CDH9: variants seen among roughly 807,000 people sequenced by gnomAD.
The protein encoded by CDH9 is cadherin-9.
Under a neutral mutation model 70.9 loss-of-function variants are expected in CDH9, and 28 were observed. The observed-to-expected ratio is 0.40, with a 90% confidence interval of 0.29 to 0.54. The LOEUF is 0.54. CDH9 is among the 20% of genes least tolerant of loss of function. CDH9 has a pLI of 0.59. For synonymous variants in CDH9, 409 were observed against 343.1 expected, an observed-to-expected ratio of 1.19 and a Z score of -2.12; for missense variants, 874 against 984.4, an observed-to-expected ratio of 0.89 and a Z score of 1.50.
At chr5:27,004,693 A>T (rs762346332) in intron 1 of CDH9, among the ~76,000 whole-genome samples, 1 of 152,132 alleles carries the variant, frequency 6.6e-6, no homozygotes, top group Non-Finnish European at 1.5e-5. Flanking sequence ...TGAGATGTTC[A>T]GGTTGTGTGT....
At chr5:26,910,791 C>T (rs1049014949) in intron 3 of CDH9, among the ~76,000 whole-genome samples, 12 of 152,292 alleles carry the variant, frequency 7.9e-5, no homozygotes, top group African/African-American at 2.6e-4. Context: ...AGTCTTCACA[C>T]CTCTATATGA....
intron 1 of CDH9, among the ~76,000 whole-genome samples, chr5:26,998,802 A>G (rs1742713701): frequency 6.6e-6 from 1 of 152,170 alleles, no homozygotes; most frequent in African/African-American, 2.4e-5. Flanking sequence ...GATGTAAAAG[A>G]CAGAAGTATT....
intron 3 of CDH9, among the ~76,000 whole-genome samples, chr5:26,910,577 G>C (rs1182332535): frequency 6.6e-6 from 1 of 152,010 alleles, no homozygotes; most frequent in East Asian, 1.9e-4. Context: ...TTGATAGAAT[G>C]GTAAAACCAA....
chr5:26,912,209 T>A (rs988567651), intron 3 of CDH9, among the ~76,000 whole-genome samples: 15 of 152,104 alleles, frequency 9.9e-5, no homozygotes, highest in African/African-American at 4.8e-5. Context: ...TATAGATGTA[T>A]TCTTAATTCT....
At chr5:27,020,020 G>T (rs754774015) in intron 1 of CDH9, among the ~76,000 whole-genome samples, 1 of 151,856 alleles carries the variant, frequency 6.6e-6, no homozygotes, top group Non-Finnish European at 1.5e-5. Flanking sequence ...TGGAACAGGT[G>T]ATATTAACTT....
chr5:27,023,118 T>C (rs1038173454), intron 1 of CDH9, among the ~76,000 whole-genome samples: 2 of 152,054 alleles, frequency 1.3e-5, no homozygotes, highest in Non-Finnish European at 2.9e-5. Flanking sequence ...GGAAAATGAA[T>C]ACAAGATCCC....
intron 1 of CDH9, among the ~76,000 whole-genome samples, chr5:26,990,998 C>T (rs1262431242): frequency 2.0e-5 from 3 of 152,090 alleles, no homozygotes; most frequent in Admixed American, 1.3e-4. Flanking sequence ...TTATAAACTA[C>T]AGTAAGAAAT....
chr5:26,895,266 T>C (rs1033709476), intron 7 of CDH9, among the ~76,000 whole-genome samples: 5 of 152,054 alleles, frequency 3.3e-5, no homozygotes, highest in African/African-American at 1.2e-4. Flanking sequence ...GTATTAGCTA[T>C]ACAATGACAT....
At chr5:26,887,763 A>T (rs1157017147) in intron 9 of CDH9, among the ~76,000 whole-genome samples, 1 of 152,152 alleles carries the variant, frequency 6.6e-6, no homozygotes, top group African/African-American at 2.4e-5. Context: ...TCCTCATAAG[A>T]AGAAGCAAGT....
chr5:26,958,283 T>C (rs1230648203), intron 2 of CDH9, among the ~76,000 whole-genome samples: 1 of 152,190 alleles, frequency 6.6e-6, no homozygotes, highest in Non-Finnish European at 1.5e-5. Context: ...ATTCTATTAC[T>C]CATCTTCCCC....
At chr5:26,995,332 A>G (rs1294605962) in intron 1 of CDH9, among the ~76,000 whole-genome samples, 1 of 152,170 alleles carries the variant, frequency 6.6e-6, no homozygotes, top group Non-Finnish European at 1.5e-5. Flanking sequence ...GAACTGGGAG[A>G]AAATAGGCCT....
intron 3 of CDH9, among the ~76,000 whole-genome samples, chr5:26,910,109 C>G (rs1741023174): frequency 6.6e-6 from 1 of 151,794 alleles, no homozygotes; most frequent in Non-Finnish European, 1.5e-5. Flanking sequence ...AAAAAACATC[C>G]CTCTATATAT....
chr5:26,989,881 G>A (rs1366696920), intron 1 of CDH9, among the ~76,000 whole-genome samples: 1 of 152,068 alleles, frequency 6.6e-6, no homozygotes, highest in Non-Finnish European at 1.5e-5. Flanking sequence ...GACCCACAAG[G>A]TATTGTTGTT....
At chr5:26,885,929 A>G (rs774141272) in intron 10 of CDH9, 37 bp downstream of exon 10, 1 of 1,591,408 alleles carries the variant, frequency 6.3e-7, no homozygotes, top group East Asian at 2.2e-5. Flanking sequence ...TGTATCTTAA[A>G]GTTTCATAAT....
intron 1 of CDH9, among the ~76,000 whole-genome samples, chr5:27,007,902 T>G (rs1742894182): frequency 6.6e-6 from 1 of 152,124 alleles, no homozygotes; most frequent in Non-Finnish European, 1.5e-5. Context: ...GATATTAGGA[T>G]GAATATTAAT....
chr5:26,903,390 C>A lies in CDH9; in HGVS notation c.999+247G>T, dbSNP rs542695707. ...CTATGGAGAAATACAAAACAAGTACCTTGAAGTTTATCTAATTTTAATTTG... is the reference window on the plus strand; with the variant it reads ...CTATGGAGAAATACAAAACAAGTACATTGAAGTTTATCTAATTTTAATTTG... On this transcript the variant is annotated intron_variant, in intron 6 of 11. Transcript: ENST00000231021. The A allele has an allele frequency of 5.0e-6, 3 of 598,380 alleles. No individual in the cohort carries two copies. In the East Asian group the frequency reaches 9.7e-5, roughly 19 times the overall value. The allele number at this position is 598,380 out of a possible 1,614,324, so 37.1% of individuals were successfully genotyped here.
At chr5:26,999,883 A>G (rs971663866) in intron 1 of CDH9, among the ~76,000 whole-genome samples, 1 of 152,136 alleles carries the variant, frequency 6.6e-6, no homozygotes, top group African/African-American at 2.4e-5. Flanking sequence ...ATATTACAAA[A>G]TTTCTCGAAG....
At position 26,897,638 on chromosome 5, in the gene CDH9, T is replaced by C. The variant is rs754403128; in HGVS notation, c.1253+4838A>G. Among the ~76,000 whole-genome samples the C allele has an allele frequency of 3.9e-5, 6 of 152,116 alleles. No homozygotes were observed. In the East Asian group the frequency reaches 1.2e-3, roughly 29 times the overall value. ...CAACACCCTTTCATGCTATAAACTT[T>C]CAATAAACTAGGTATGGAGGGAACG... is the stretch of plus-strand genomic sequence containing the variant. On this transcript the variant is annotated intron_variant, in intron 7 of 11. Coordinates refer to ENST00000231021, the MANE Select transcript of CDH9 (RefSeq NM_016279.4).
chr5:27,017,962 G>A (rs116275948), intron 1 of CDH9, among the ~76,000 whole-genome samples: 2,598 of 151,268 alleles, frequency 0.017, 83 homozygotes, highest in African/African-American at 0.059. Flanking sequence ...AAATTATGTT[G>A]ACAATTTTTG....
Sources: allele counts gnomAD v4.1 joint callset (sites outside exome capture counted in the v4.1 genomes callset), GRCh38; gene constraint gnomAD v4.1.1; transcripts MANE v1.5; gene names NCBI Gene and HGNC (gene_info 2026-07-23, HGNC 2026-07-21).